The following JAKMIP3 variants were observed in gnomAD, a reference collection of about 807,000 sequenced individuals.
JAKMIP3 encodes janus kinase and microtubule-interacting protein 3.
In JAKMIP3, 58 loss-of-function variants were observed where a neutral mutation model predicts 118.5. The observed-to-expected ratio is 0.49, with a 90% CI of 0.40 to 0.61. The LOEUF is 0.61. Among genes scored for constraint, JAKMIP3 ranks in the 20% least tolerant of loss-of-function variants. JAKMIP3 has a pLI of 0.00. For missense variants in JAKMIP3, 950 were observed against 1,109.0 expected, an observed-to-expected ratio of 0.86 and a Z score of 2.04; for synonymous variants, 486 against 451.2, an observed-to-expected ratio of 1.08 and a Z score of -0.98.
At chr10:132,068,164 G>A (rs1370542634) in intron 1 of JAKMIP3, among the ~76,000 whole-genome samples, 1 of 144,850 alleles carries the variant, frequency 6.9e-6, no homozygotes, top group African/African-American at 2.7e-5. Flanking sequence ...TGGACTGTGG[G>A]TTTCTGCGTG....
In JAKMIP3 at chr10:132,169,223, G is replaced by A. The variant is rs527371493; in HGVS notation, c.*1103+190G>A. On this transcript the variant is annotated intron_variant, in intron 23 of 23. Transcript: ENST00000684848. ...CCTGGGGGCTGGTGTGGAGCGTGGC[G>A]TGAGCTGTCGCTGGGGCAGGGTCTG... 3.9e-5 allele frequency among the ~76,000 whole-genome samples: 6 copies of A among 152,290 alleles called. No homozygotes were observed. In the South Asian group the frequency reaches 8.3e-4, roughly 21 times the overall value.
At chr10:132,055,590 G>A (rs1041758799) in intron 1 of JAKMIP3, among the ~76,000 whole-genome samples, 1 of 152,242 alleles carries the variant, frequency 6.6e-6, no homozygotes, top group East Asian at 1.9e-4. Context: ...TGTGTGCGCA[G>A]TTTGCCCGCC....
At position 132,117,356 on chromosome 10, in the gene JAKMIP3, G is replaced by A. The variant is rs765358533; in HGVS notation, c.415G>A (p.Ala139Thr). 6.2e-7 allele frequency: 1 copy of A among 1,614,008 alleles called. No homozygotes were observed. Among genetic ancestry groups the A allele is most frequent in the South Asian group, 1.1e-5 (1 of 91,072 alleles). The change falls in exon 3 of 24, where the codon GCC (alanine) becomes ACC (threonine). Residue 139 changes from alanine (A) to threonine (T), a missense_variant. Physicochemically the swap from Ala to Thr is moderately conservative, Grantham distance 58. Coordinates refer to ENST00000684848, the MANE Select transcript of JAKMIP3 (RefSeq NM_001323087.2). This position sits in a 1 kb window ranked among gnomAD's most constrained non-coding sequence, Gnocchi z 8.6. ...EKVKTVLLSE[A>T]KEEAKKGFEV... is the part of the protein sequence containing the mutation. The stretch of plus-strand genomic sequence containing the variant: ...GGTCAAGACCGTGCTGCTGTCCGAG[G>A]CCAAGGAGGAGGCCAAGAAGGGGTT...
chr10:132,110,359 G>A (rs1387300684), intron 2 of JAKMIP3, among the ~76,000 whole-genome samples: 1 of 152,264 alleles, frequency 6.6e-6, no homozygotes, highest in African/African-American at 2.4e-5. Context: ...CCCAAGGCCG[G>A]ATCCCAACGT....
chr10:132,168,440 A>T lies in JAKMIP3; in HGVS notation c.*510A>T, dbSNP rs904275290. 18 of 1,275,754 alleles carry T rather than the reference A, an allele frequency of 1.4e-5. No individual in the cohort carries two copies. The highest frequency in any genetic ancestry group is 2.3e-5 in the Admixed American group (1 of 43,166). 79.0% of individuals were successfully genotyped at this position (1,275,754 alleles called of 1,614,324 possible). On this transcript the variant is annotated 3_prime_UTR_variant, in exon 23 of 24. Transcript: ENST00000684848. ...GTGACCTTCATTCAGGGGAACCTGG[A>T]GGCTCCCTGGGATGGTCCTGGGAGG...
intron 1 of JAKMIP3, among the ~76,000 whole-genome samples, chr10:132,084,532 T>C (rs1052359476): frequency 3.3e-5 from 5 of 152,208 alleles, no homozygotes; most frequent in African/African-American, 1.2e-4. Flanking sequence ...CCTTTATTTC[T>C]TTCCCTTGTC....
intron 10 of JAKMIP3, among the ~76,000 whole-genome samples, chr10:132,141,074 C>T (rs950114423): frequency 1.3e-5 from 2 of 152,218 alleles, no homozygotes; most frequent in Admixed American, 6.5e-5. Context: ...TACCCTCAGG[C>T]GCAGGCAGCC....
chr10:132,079,519 G>A (rs1385939265), intron 1 of JAKMIP3, among the ~76,000 whole-genome samples: 8 of 152,170 alleles, frequency 5.3e-5, no homozygotes, highest in Non-Finnish European at 7.4e-5. Flanking sequence ...CAGGAGGGTT[G>A]ACACTATTTA....
At chr10:132,061,402 A>T (rs78217773), upstream of JAKMIP3, among the ~76,000 whole-genome samples, 2 of 152,250 alleles carry the variant, frequency 1.3e-5, no homozygotes, top group Non-Finnish European at 2.9e-5. Flanking sequence ...GTCCTAAATA[A>T]ATGGAGAACT....
chr10:132,093,977 C>T (rs1406673741), intron 1 of JAKMIP3, among the ~76,000 whole-genome samples: 4 of 144,712 alleles, frequency 2.8e-5, no homozygotes, highest in African/African-American at 1.0e-4. Flanking sequence ...CTCTGTCACC[C>T]AGGCTGCTGG....
intron 1 of JAKMIP3, among the ~76,000 whole-genome samples, chr10:132,095,396 T>G (rs774711141): frequency 9.9e-5 from 15 of 152,210 alleles, no homozygotes; most frequent in Non-Finnish European, 2.1e-4. Flanking sequence ...CACAGGGCTT[T>G]TCCCACTGCT....
rs1253012460 is a variant in JAKMIP3 at position 132,180,596 on chromosome 10, TGC to T, written c.*1104-1759_*1104-1758del. 6.4e-3 allele frequency among the ~76,000 whole-genome samples: 157 copies of T among 24,344 alleles called. 26 individuals carry two copies. Among genetic ancestry groups the T allele is most frequent in the African/African-American group, 0.015 (90 of 5,940 alleles). 16.0% of individuals were successfully genotyped at this position (24,344 alleles called of 152,430 possible). ...GTGTGTGTGCGTGCGCGTGTGTGTGTGCGTGCGCGTGTGTGTGTGCGTGTGTG... is the reference window on the plus strand; with the variant it reads ...GTGTGTGTGCGTGCGCGTGTGTGTGTGTGCGCGTGTGTGTGTGCGTGTGTG... On this transcript the variant is annotated intron_variant, in intron 23 of 23. Coordinates refer to ENST00000684848, the MANE Select transcript of JAKMIP3 (RefSeq NM_001323087.2).
At chr10:132,137,188 G>C in intron 7 of JAKMIP3, 38 bp downstream of exon 7, 1 of 1,613,852 alleles carries the variant, frequency 6.2e-7, no homozygotes, top group Non-Finnish European at 8.5e-7. Context: ...CCGTCCTCTG[G>C]CTCCCAAGGG....
At chr10:132,062,570 A>G (rs907883043), upstream of JAKMIP3, among the ~76,000 whole-genome samples, 5 of 152,278 alleles carry the variant, frequency 3.3e-5, no homozygotes, top group African/African-American at 9.6e-5. Flanking sequence ...ATAGCCCTCG[A>G]GGACATGACG....
At chr10:132,159,213 TG>T (rs2057493199) in intron 19 of JAKMIP3, among the ~76,000 whole-genome samples, 1 of 8,932 alleles carries the variant, frequency 1.1e-4, no homozygotes, top group Non-Finnish European at 1.9e-4. Flanking sequence ...TGTGATGCTG[TG>T]GGGGCATCTC....
intron 1 of JAKMIP3, among the ~76,000 whole-genome samples, chr10:132,056,155 C>A (rs1351768282): frequency 1.3e-5 from 2 of 152,132 alleles, no homozygotes; most frequent in Non-Finnish European, 2.9e-5. Flanking sequence ...TGGCCTCGTT[C>A]CTGGTGAGCG....
At chr10:132,103,768 G>A (rs1215354595) in intron 1 of JAKMIP3, among the ~76,000 whole-genome samples, 1 of 152,030 alleles carries the variant, frequency 6.6e-6, no homozygotes, top group Admixed American at 6.5e-5. Flanking sequence ...GGCAAGCAGT[G>A]GGCGAGGGAG....
intron 1 of JAKMIP3, among the ~76,000 whole-genome samples, chr10:132,067,471 G>C (rs1358039302): frequency 6.6e-6 from 1 of 152,252 alleles, no homozygotes; most frequent in East Asian, 1.9e-4. Context: ...ACCAGGTGGT[G>C]GTCCCACAGC....
chr10:132,126,302 C>CTT (rs780754000), intron 3 of JAKMIP3, among the ~76,000 whole-genome samples: 15 of 139,962 alleles, frequency 1.1e-4, no homozygotes, highest in South Asian at 9.1e-4. Flanking sequence ...TTTGGCAATA[C>CTT]TTTTTTTTTT....
Sources: gnomAD v4.1 joint callset for allele counts (sites outside exome capture counted in the v4.1 genomes callset) on GRCh38, gnomAD v4.1.1 for gene constraint, Gnocchi (gnomAD v3.1) non-coding constraint, MANE v1.5 for transcripts, NCBI Gene and HGNC (gene_info 2026-07-23, HGNC 2026-07-21) for gene names.